Variants in GRIK4 observed in about 807,000 individuals in gnomAD.
GRIK4 encodes glutamate ionotropic receptor kainate type subunit 4, also known as glutamate receptor ionotropic, kainate 4.
GRIK4 carries 40 observed loss-of-function variants against 104.9 expected under a neutral mutation model. The observed-to-expected ratio is 0.38, with a 90% confidence interval of 0.30 to 0.50. The LOEUF is 0.50. GRIK4 is among the 20% of genes least tolerant of loss of function. The probability of loss-of-function intolerance (pLI) is 0.93; values close to 1 mark genes in which losing one functional copy is unlikely to be tolerated. For missense variants in GRIK4, 1,047 were observed against 1,308.1 expected, an observed-to-expected ratio of 0.80 and a Z score of 3.08; for synonymous variants, 485 against 524.9, an observed-to-expected ratio of 0.92 and a Z score of 1.04.
At chr11:120,928,213 T>A (rs1384421276) in intron 13 of GRIK4, among the ~76,000 whole-genome samples, 8 of 126,352 alleles carry the variant, frequency 6.3e-5, no homozygotes, top group African/African-American at 1.2e-4. Context: ...GACTCCGTCT[T>A]AAAAAAAAAA....
chr11:120,706,653 A>G (rs895371557), intron 3 of GRIK4, among the ~76,000 whole-genome samples: 7 of 152,192 alleles, frequency 4.6e-5, no homozygotes, highest in Non-Finnish European at 5.9e-5. Context: ...CGTTCGACCT[A>G]TGGGGATCTT....
At chr11:120,592,434 G>A (rs1374998744) in intron 1 of GRIK4, among the ~76,000 whole-genome samples, 1 of 152,194 alleles carries the variant, frequency 6.6e-6, no homozygotes, top group Non-Finnish European at 1.5e-5. Context: ...CAAGAACGAA[G>A]CTTGCTGTGC....
intron 1 of GRIK4, among the ~76,000 whole-genome samples, chr11:120,517,049 C>T (rs1420985458): frequency 4.2e-5 from 6 of 142,558 alleles, no homozygotes; most frequent in Non-Finnish European, 4.6e-5. Flanking sequence ...TGCCAGCCCT[C>T]GCCGCCCTCC....
At chr11:120,954,822 CACACACACAA>C (rs769836047) in intron 15 of GRIK4, among the ~76,000 whole-genome samples, 12,246 of 75,402 alleles carry the variant, frequency 0.16, 654 homozygotes, top group African/African-American at 0.26. Context: ...CACACACACA[CACACACACAA>C]ACAATACTGG....
At chr11:120,847,219 G>C (rs187221709) in intron 8 of GRIK4, among the ~76,000 whole-genome samples, 2 of 152,164 alleles carry the variant, frequency 1.3e-5, no homozygotes, top group East Asian at 3.9e-4. Context: ...TGAGTCAGGA[G>C]TAGAGAGAGG....
chr11:120,678,220 C>T (rs1483818810), intron 3 of GRIK4, among the ~76,000 whole-genome samples: 2 of 152,226 alleles, frequency 1.3e-5, no homozygotes, highest in African/African-American at 4.8e-5. Flanking sequence ...CCCCACACCT[C>T]ATCCCCCTTC....
rs1944703708 is a variant in GRIK4 at position 120,984,459 on chromosome 11, A to T, written c.2515-1445A>T. ...CATTTGTGAAATGGATATAATAATA[A>T]TAGTAATAGTAGTAATACAGGCCCA... On this transcript the variant is annotated intron_variant, in intron 20 of 20. Coordinates refer to ENST00000527524, the MANE Select transcript of GRIK4 (RefSeq NM_014619.5). Among the ~76,000 whole-genome samples, 6 of 152,322 alleles carry T rather than the reference A, an allele frequency of 3.9e-5. No individual in the cohort carries two copies. In the South Asian group the frequency reaches 1.2e-3, roughly 32 times the overall value.
intron 3 of GRIK4, among the ~76,000 whole-genome samples, chr11:120,774,995 G>A (rs2135462468): frequency 6.6e-6 from 1 of 152,334 alleles, no homozygotes; most frequent in African/African-American, 2.4e-5. Flanking sequence ...AGGTGTGTGT[G>A]TGTGGTGTCA....
At chr11:120,714,605 C>T (rs147847052) in intron 3 of GRIK4, among the ~76,000 whole-genome samples, 3 of 152,132 alleles carry the variant, frequency 2.0e-5, no homozygotes, top group Non-Finnish European at 2.9e-5. Context: ...AGTACTACAG[C>T]GTCCCATAGC....
chr11:120,592,606 C>T (rs1212343070), intron 1 of GRIK4, among the ~76,000 whole-genome samples: 4 of 152,140 alleles, frequency 2.6e-5, no homozygotes, highest in African/African-American at 9.7e-5. Flanking sequence ...GCTTGGATTT[C>T]CTGCCTCCTC....
At chr11:120,710,087 G>A (rs927428482) in intron 3 of GRIK4, among the ~76,000 whole-genome samples, 3 of 152,178 alleles carry the variant, frequency 2.0e-5, no homozygotes, top group Admixed American at 6.5e-5. Context: ...TAGTCAGCGC[G>A]AGACAAGGCA....
intron 1 of GRIK4, among the ~76,000 whole-genome samples, chr11:120,519,164 T>A (rs1400719956): frequency 6.6e-6 from 1 of 152,206 alleles, no homozygotes; most frequent in Non-Finnish European, 1.5e-5. Context: ...ACAATGATGA[T>A]GACAATAATA....
Position 120,905,439 on chromosome 11 carries a change from C to T in GRIK4, c.1422C>T (p.Gly474=), listed in dbSNP as rs144767530. 23 of 1,508,412 alleles carry T rather than the reference C, an allele frequency of 1.5e-5. No individual in the cohort carries two copies. The highest frequency in any genetic ancestry group is 4.2e-5 in the African/African-American group (3 of 71,350). The allele number at this position is 1,508,412 out of a possible 1,614,324, so 93.4% of individuals were successfully genotyped here. A position where few individuals can be genotyped will look rare whatever the true frequency, so the allele number is the denominator to read the frequency against. The stretch of plus-strand genomic sequence containing the variant: ...GCCTGGTTGGGGATGGCGTGTACGG[C>T]GTTCCCGAGGCCAACGGCACCTGGA... ...KIRLVGDGVY[G]VPEANGTWTG... The change falls in exon 13 of 21, where the codon GGC becomes GGT. Residue 474 remains glycine, a synonymous_variant. Coordinates refer to ENST00000527524, the MANE Select transcript of GRIK4 (RefSeq NM_014619.5). This position sits in a 1 kb window ranked among gnomAD's most constrained non-coding sequence, Gnocchi z 5.1.
chr11:120,521,976 T>C (rs978468527), intron 1 of GRIK4, among the ~76,000 whole-genome samples: 2 of 152,226 alleles, frequency 1.3e-5, no homozygotes, highest in South Asian at 4.1e-4. Context: ...TCTAGATGCT[T>C]TGTATGTATT....
chr11:120,540,486 C>T lies in GRIK4; in HGVS notation c.-159+28599C>T, dbSNP rs748740545. Among the ~76,000 whole-genome samples the T allele has an allele frequency of 2.9e-4, 44 of 152,114 alleles. 1 individual carries two copies. The highest frequency in any genetic ancestry group is 4.9e-4 in the Non-Finnish European group (33 of 67,998). On this transcript the variant is annotated intron_variant, in intron 1 of 20. Transcript: ENST00000527524. ...AAAATTAGCCGGGCATGGTGGTGCGCACCTGTAATCCCAGCTACTTGGGAG... is the reference window on the plus strand; with the variant it reads ...AAAATTAGCCGGGCATGGTGGTGCGTACCTGTAATCCCAGCTACTTGGGAG...
chr11:120,784,461 G>A (rs536861173), intron 3 of GRIK4, among the ~76,000 whole-genome samples: 12 of 152,054 alleles, frequency 7.9e-5, no homozygotes, highest in Non-Finnish European at 1.5e-4. Flanking sequence ...TTTTTCCTTG[G>A]TGTGGTCAGA....
At chr11:120,947,995 A>C (rs1052167148) in intron 14 of GRIK4, among the ~76,000 whole-genome samples, 5 of 152,230 alleles carry the variant, frequency 3.3e-5, no homozygotes, top group Non-Finnish European at 7.3e-5. Context: ...GATAGGAATT[A>C]ATTACTTGCT....
At chr11:120,827,382 C>T (rs909373733) in intron 6 of GRIK4, among the ~76,000 whole-genome samples, 2 of 152,214 alleles carry the variant, frequency 1.3e-5, no homozygotes, top group African/African-American at 2.4e-5. Context: ...ATCCGTCCCG[C>T]TGCATCCTGA....
intron 3 of GRIK4, among the ~76,000 whole-genome samples, chr11:120,748,591 A>T (rs1425833383): frequency 6.6e-6 from 1 of 152,056 alleles, no homozygotes; most frequent in Non-Finnish European, 1.5e-5. Flanking sequence ...GTGAGGAAGG[A>T]ATGAAACGTG....
Sources: allele counts gnomAD v4.1 joint callset (sites outside exome capture counted in the v4.1 genomes callset), GRCh38; gene constraint gnomAD v4.1.1; non-coding constraint Gnocchi (gnomAD v3.1); transcripts MANE v1.5; gene names NCBI Gene and HGNC (gene_info 2026-07-23, HGNC 2026-07-21).